NRG3: variants seen among roughly 807,000 people sequenced by gnomAD.
NRG3 encodes pro-neuregulin-3, membrane-bound isoform.
Under a neutral mutation model 66.9 loss-of-function variants are expected in NRG3, and 31 were observed. That is an observed-to-expected ratio of 0.46 (90% CI 0.35 to 0.63). The LOEUF (loss-of-function observed/expected upper bound fraction) is 0.63, where lower values mean the gene tolerates loss of function less well. Among genes scored for constraint, NRG3 ranks in the 20% least tolerant of loss-of-function variants. The pLI, the probability that NRG3 is intolerant of heterozygous loss-of-function variation, is 0.00. For missense variants in NRG3, 910 were observed against 878.9 expected (o/e 1.04, Z -0.45); for synonymous variants, 393 against 359.4 (o/e 1.09, Z -1.06).
intron 4 of NRG3, among the ~76,000 whole-genome samples, chr10:82,906,325 C>A (rs1333208): frequency 0.14 from 21,629 of 152,146 alleles, 2,356 homozygotes; most frequent in East Asian, 0.51. Flanking sequence ...TACTACTTTT[C>A]ATGACAGCAA....
intron 1 of NRG3, among the ~76,000 whole-genome samples, chr10:82,051,849 A>T: frequency 7.0e-6 from 1 of 142,606 alleles, no homozygotes; most frequent in African/African-American, 2.6e-5. Flanking sequence ...GATCTGTTGA[A>T]CTAAGGTCAA....
At chr10:82,108,655 A>G (rs2067204992) in intron 1 of NRG3, among the ~76,000 whole-genome samples, 1 of 152,264 alleles carries the variant, frequency 6.6e-6, no homozygotes, top group Non-Finnish European at 1.5e-5. Flanking sequence ...GATTGCAAAA[A>G]TAATGAAGAT....
chr10:82,160,068 C>T (rs766543932), intron 1 of NRG3, among the ~76,000 whole-genome samples: 6 of 151,874 alleles, frequency 4.0e-5, no homozygotes, highest in Non-Finnish European at 8.8e-5. Flanking sequence ...TTACTGAGCT[C>T]ACATAGCCTG....
chr10:82,865,474 A>G (rs1591770335), intron 4 of NRG3, 37 bp downstream of exon 4: 1 of 1,601,148 alleles, frequency 6.2e-7, no homozygotes, highest in Non-Finnish European at 8.5e-7. Flanking sequence ...ATATCCTGGA[A>G]ATGCTAAGCT....
intron 1 of NRG3, among the ~76,000 whole-genome samples, chr10:82,129,781 G>C (rs1252329333): frequency 6.6e-6 from 1 of 151,692 alleles, no homozygotes; most frequent in South Asian, 2.1e-4. Context: ...GGCTGGTCTC[G>C]AACTCCTGAC....
At chr10:82,807,367 G>A (rs2061333333) in intron 3 of NRG3, among the ~76,000 whole-genome samples, 1 of 152,188 alleles carries the variant, frequency 6.6e-6, no homozygotes, top group Non-Finnish European at 1.5e-5. Context: ...GGAACTGACA[G>A]TCATGAATAC....
At chr10:81,895,715 T>C (rs1216609049) in intron 1 of NRG3, among the ~76,000 whole-genome samples, 1 of 152,164 alleles carries the variant, frequency 6.6e-6, no homozygotes, top group Non-Finnish European at 1.5e-5. Flanking sequence ...TAAGCTTGAA[T>C]GTGAGTTTTG....
At chr10:82,524,275 T>G (rs1317877226) in intron 2 of NRG3, among the ~76,000 whole-genome samples, 1 of 152,018 alleles carries the variant, frequency 6.6e-6, no homozygotes, top group Non-Finnish European at 1.5e-5. Flanking sequence ...TTAAAGATAG[T>G]AGTGTACTTA....
intron 1 of NRG3, among the ~76,000 whole-genome samples, chr10:82,355,132 A>G (rs1432698748): frequency 6.6e-6 from 1 of 152,236 alleles, no homozygotes; most frequent in African/African-American, 2.4e-5. Context: ...TTTAAAAAAT[A>G]TAAACAAGCT....
chr10:82,218,666 G>T (rs1467910695), intron 1 of NRG3, among the ~76,000 whole-genome samples: 1 of 152,064 alleles, frequency 6.6e-6, no homozygotes, highest in Non-Finnish European at 1.5e-5. Context: ...GGATTTTCAT[G>T]ATCTCCCCAC....
intron 1 of NRG3, among the ~76,000 whole-genome samples, chr10:82,273,290 G>T (rs879512342): frequency 2.0e-5 from 3 of 151,900 alleles, no homozygotes; most frequent in Non-Finnish European, 4.4e-5. Flanking sequence ...ATTCGCTGAA[G>T]CTCTAAAGAC....
intron 2 of NRG3, among the ~76,000 whole-genome samples, chr10:82,479,424 C>T (rs1470598994): frequency 6.6e-6 from 1 of 150,750 alleles, no homozygotes; most frequent in African/African-American, 2.4e-5. Context: ...ACTGGCCGGG[C>T]GCGGTGGCTC....
chr10:82,349,886 G>A (rs998064739), intron 1 of NRG3, among the ~76,000 whole-genome samples: 2 of 152,152 alleles, frequency 1.3e-5, no homozygotes, highest in Admixed American at 6.5e-5. Flanking sequence ...GACCCCTTGC[G>A]CTTCCCAAGT....
chr10:82,243,153 C>G (rs559225790), intron 1 of NRG3, among the ~76,000 whole-genome samples: 1 of 152,270 alleles, frequency 6.6e-6, no homozygotes, highest in Admixed American at 6.5e-5. Context: ...AAGAGACCCA[C>G]TCCAAAGTTA....
intron 1 of NRG3, among the ~76,000 whole-genome samples, chr10:82,057,276 CG>C (rs2063892774): frequency 6.6e-6 from 1 of 151,024 alleles, no homozygotes; most frequent in Non-Finnish European, 1.5e-5. Context: ...TTATCAAATA[CG>C]TATGTATAAT....
rs77719742 is a variant in NRG3, at chr10:82,885,612, T to C, written c.1054+20175T>C. On this transcript the variant is annotated intron_variant, in intron 4 of 8. Transcript: ENST00000372141. ...ATGTCAATACAGATCTTCAAAAAAA[T>C]AAAATACAAAATATACATTGTAAGC... 6.7e-3 allele frequency among the ~76,000 whole-genome samples: 1,018 copies of C among 152,300 alleles called. 11 individuals carry two copies. Among genetic ancestry groups the C allele is most frequent in the African/African-American group, 0.021 (882 of 41,578 alleles).
chr10:82,058,485 G>T (rs1297857187), intron 1 of NRG3, among the ~76,000 whole-genome samples: 2 of 151,392 alleles, frequency 1.3e-5, no homozygotes, highest in Admixed American at 6.6e-5. Context: ...GAATATAAAT[G>T]ACTCCTTTTA....
At chr10:82,010,684 C>T (rs1037756843) in intron 1 of NRG3, among the ~76,000 whole-genome samples, 2 of 152,178 alleles carry the variant, frequency 1.3e-5, no homozygotes, top group Admixed American at 6.5e-5. Context: ...TTACAAGGCA[C>T]AGATGGACAT....
intron 1 of NRG3, among the ~76,000 whole-genome samples, chr10:82,236,785 C>T (rs1160864145): frequency 4.0e-5 from 6 of 148,418 alleles, no homozygotes; most frequent in East Asian, 2.0e-4. Flanking sequence ...GTGCGATCTC[C>T]GCCTACTGCA....
Sources: gnomAD v4.1 joint callset for allele counts (sites outside exome capture counted in the v4.1 genomes callset) on GRCh38, gnomAD v4.1.1 for gene constraint, MANE v1.5 for transcripts, NCBI Gene and HGNC (gene_info 2026-07-23, HGNC 2026-07-21) for gene names.